The following DOP1A variants were observed in gnomAD, a reference collection of about 807,000 sequenced individuals.
DOP1A encodes protein DOP1A.
DOP1A carries 90 observed loss-of-function variants against 267.6 expected under a neutral mutation model. The observed-to-expected ratio is 0.34, with a 90% CI of 0.28 to 0.40. DOP1A has a LOEUF of 0.40. Ranked by LOEUF, DOP1A falls within the 10% of genes least tolerant of loss-of-function variation. The pLI is 1.00. For missense variants in DOP1A, 2,437 were observed against 2,900.4 expected (o/e 0.84, Z 3.67); for synonymous variants, 932 against 999.1 (o/e 0.93, Z 1.27).
intron 18 of DOP1A, among the ~76,000 whole-genome samples, chr6:83,133,864 T>C (rs891216099): frequency 1.3e-5 from 2 of 152,052 alleles, no homozygotes; most frequent in African/African-American, 4.8e-5. Context: ...CTTTCTGGAC[T>C]CCAGATATAT....
At chr6:83,068,926 G>C (rs1785153257) in intron 1 of DOP1A, among the ~76,000 whole-genome samples, 1 of 152,136 alleles carries the variant, frequency 6.6e-6, no homozygotes, top group African/African-American at 2.4e-5. Context: ...CTCCACGTGG[G>C]CTTGATTATT....
intron 1 of DOP1A, among the ~76,000 whole-genome samples, chr6:83,091,441 T>C (rs1428800754): frequency 1.3e-5 from 2 of 152,182 alleles, no homozygotes; most frequent in African/African-American, 4.8e-5. Flanking sequence ...AAACAAGCTA[T>C]ATGAAGTCTT....
At chr6:83,147,180 GA>G in intron 25 of DOP1A, 55 bp from the exon 26 acceptor site, 1 of 926,056 alleles carries the variant, frequency 1.1e-6, no homozygotes, top group South Asian at 1.9e-5. Flanking sequence ...TTGCAACAAT[GA>G]AAAAGCAAAG....
intron 3 of DOP1A, among the ~76,000 whole-genome samples, chr6:83,098,526 C>T (rs1771924122): frequency 6.6e-6 from 1 of 152,192 alleles, no homozygotes; most frequent in Non-Finnish European, 1.5e-5. Context: ...TTCTGATCAA[C>T]TGGCTATAAA....
At position 83,128,920 on chromosome 6, in the gene DOP1A, G is replaced by A. The variant is rs372318853; in HGVS notation, c.1753G>A (p.Val585Met). The A allele has an allele frequency of 2.3e-5, 35 of 1,542,664 alleles. No individual in the cohort carries two copies. The highest frequency in any genetic ancestry group is 3.1e-5 in the Non-Finnish European group (35 of 1,145,870). ...SSVSHENPTE[V>M]FEDGENPPSS... ...AGTTTCTCATGAAAATCCTACTGAAGTGTTTGAAGATGGAGAAAATCCACC... is the reference window on the plus strand; with the variant it reads ...AGTTTCTCATGAAAATCCTACTGAAATGTTTGAAGATGGAGAAAATCCACC... The change falls in exon 16 of 39, where the codon GTG becomes ATG. Residue 585 changes from valine (V) to methionine (M), a missense_variant. Val to Met is a conservative substitution (Grantham distance 21). Transcript: ENST00000349129.
chr6:83,097,158 A>T (rs566952333), intron 3 of DOP1A, 43 bp downstream of exon 3: 1 of 1,588,984 alleles, frequency 6.3e-7, no homozygotes, highest in Non-Finnish European at 8.6e-7. Flanking sequence ...TAAAAATTAG[A>T]AATCTGTGTT....
chr6:83,168,871 T>G (rs1353338984), downstream of DOP1A: 1 of 1,048,750 alleles, frequency 9.5e-7, no homozygotes, highest in East Asian at 7.4e-5. Flanking sequence ...AACATCATCT[T>G]GCTCATGTGA....
rs1240260324 is a variant in DOP1A at position 83,168,287 on chromosome 6, T to G, written c.*120T>G. On this transcript the variant is annotated 3_prime_UTR_variant, in exon 39 of 39. Transcript: ENST00000349129. ...TAACAGAACACATTTCAGATTGTAT[T>G]TAATTTAAATATTTGTATATAAGAG... is the stretch of plus-strand genomic sequence containing the variant. The G allele has an allele frequency of 2.8e-6, 4 of 1,433,920 alleles. No homozygotes were observed. The highest frequency in any genetic ancestry group is 5.7e-5 in the Admixed American group (2 of 35,004). 88.8% of individuals were successfully genotyped at this position (1,433,920 alleles called of 1,614,324 possible).
chr6:83,147,314 G>T (rs1037748601), intron 26 of DOP1A, 23 bp downstream of exon 26: 9 of 1,290,874 alleles, frequency 7.0e-6, no homozygotes, highest in Non-Finnish European at 9.6e-6. Flanking sequence ...ATATTGATCT[G>T]TCCTTACTAT....
intron 1 of DOP1A, among the ~76,000 whole-genome samples, chr6:83,082,771 T>C (rs950011024): frequency 1.3e-4 from 20 of 152,114 alleles, no homozygotes; most frequent in African/African-American, 4.8e-4. Flanking sequence ...ATTTTATCTG[T>C]CAATTTGAAA....
chr6:83,142,725 GTTC>G (rs1396622707), intron 24 of DOP1A, among the ~76,000 whole-genome samples: 13 of 151,970 alleles, frequency 8.6e-5, no homozygotes, highest in Non-Finnish European at 1.8e-4. Flanking sequence ...AGTTCAAAGA[GTTC>G]TTGTTTCTAA....
chr6:83,107,026 C>G (rs564603866), intron 4 of DOP1A, among the ~76,000 whole-genome samples: 1 of 151,826 alleles, frequency 6.6e-6, no homozygotes, highest in Non-Finnish European at 1.5e-5. Context: ...GTAGAAGTAT[C>G]GTGATTGATT....
chr6:83,096,830 A>AAACT lies in DOP1A; in HGVS notation c.-54+8_-54+9insACTA, dbSNP rs1771595632. Reference sequence around the variant, plus strand: ...GTTTCAACCACTGCTAACAGTAAGGAACATTTTCAAGTTAGTCATTACCTT... The same window carrying AAACT: ...GTTTCAACCACTGCTAACAGTAAGGAAACTACATTTTCAAGTTAGTCATTACCTT... On this transcript the variant is annotated splice_region_variant and intron_variant, in intron 2 of 38. Coordinates refer to ENST00000349129, the MANE Select transcript of DOP1A (RefSeq NM_015018.4). The AAACT allele has an allele frequency of 1.1e-6, 1 of 875,796 alleles. No homozygotes were observed. The highest frequency in any genetic ancestry group is 1.7e-5 in the African/African-American group (1 of 59,384). The allele number at this position is 875,796 out of a possible 1,614,324, so 54.3% of individuals were successfully genotyped here. A position where few individuals can be genotyped will look rare whatever the true frequency, so the allele number is the denominator to read the frequency against.
In DOP1A at chr6:83,156,106, A is replaced by T; in HGVS notation, c.6604+3A>T. The T allele has an allele frequency of 6.2e-7, 1 of 1,601,746 alleles. No homozygotes were observed. Among genetic ancestry groups the T allele is most frequent in the South Asian group, 1.1e-5 (1 of 88,318 alleles). ...GAAATATCTTCCAGATATACAAGGT[A>T]AAAAATGAAAAACCCTTTATTTTTT... On this transcript the variant is annotated splice_donor_region_variant and intron_variant, in intron 34 of 38. Transcript: ENST00000349129.
chr6:83,113,266 G>A (rs1925782), intron 6 of DOP1A, 57 bp from the exon 7 acceptor site: 1,068,568 of 1,382,232 alleles, frequency 0.77, 413,988 homozygotes, highest in South Asian at 0.83. Context: ...TCACATTTTC[G>A]TGGCAAAAAT....
chr6:83,134,355 C>G, intron 19 of DOP1A, 68 bp downstream of exon 19: 1 of 1,368,024 alleles, frequency 7.3e-7, no homozygotes, highest in Non-Finnish European at 1.0e-6. Flanking sequence ...CTTGAGTCCA[C>G]TGTCTAGCTT....
At chr6:83,171,294 A>ATTTTTAATT (rs1181622794), downstream of DOP1A, 1 of 152,120 alleles carries the variant, frequency 6.6e-6, no homozygotes, top group Non-Finnish European at 1.5e-5. Flanking sequence ...ATTTATATCT[A>ATTTTTAATT]TTTTTAATTT....
Position 83,153,754 on chromosome 6 carries a change from T to G in DOP1A, c.6239+134T>G, listed in dbSNP as rs1782189080. ...TTGAATTATAATTGTTTAAAAAAAT[T>G]CATATATTATTTTTCTTATGGTGCT... On this transcript the variant is annotated intron_variant, in intron 31 of 38. Coordinates refer to ENST00000349129, the MANE Select transcript of DOP1A (RefSeq NM_015018.4). 6 of 1,169,314 alleles carry G rather than the reference T, an allele frequency of 5.1e-6. No individual in the cohort carries two copies. The Admixed American group carries it at 8.9e-5, about 17-fold the overall frequency. 72.4% of individuals were successfully genotyped at this position (1,169,314 alleles called of 1,614,324 possible).
Position 83,122,916 on chromosome 6 carries a change from T to C in DOP1A, c.1274T>C (p.Leu425Pro), listed in dbSNP as rs1316421977. 1 of 1,574,666 alleles carries C rather than the reference T, an allele frequency of 6.4e-7. No individual in the cohort carries two copies. The highest frequency in any genetic ancestry group is 8.6e-7 in the Non-Finnish European group (1 of 1,164,458). Reference sequence around the variant, plus strand: ...GAGCTGATTAAAACTGCTAACCTTCTCTTTAATTCCTTCGAACCTTATTAT... The same window carrying C: ...GAGCTGATTAAAACTGCTAACCTTCCCTTTAATTCCTTCGAACCTTATTAT... The part of the protein sequence containing the change: ...TAELIKTANL[L>P]FNSFEPYYMW... Residue 425 changes from leucine to proline, a missense_variant, in exon 12 of 39, where the codon CTC (leucine) becomes CCC (proline). Around this residue, in one of 9 missense-constraint regions of DOP1A, gnomAD observed 498 missense variants for 513.5 expected, o/e 0.97. Coordinates refer to ENST00000349129, the MANE Select transcript of DOP1A (RefSeq NM_015018.4).
Sources: gnomAD v4.1 joint callset for allele counts (sites outside exome capture counted in the v4.1 genomes callset) on GRCh38, gnomAD v4.1.1 for gene constraint, gnomAD v4.1.1 regional missense constraint, MANE v1.5 for transcripts, NCBI Gene and HGNC (gene_info 2026-07-23, HGNC 2026-07-21) for gene names.